The following CAMK2A variants were observed in gnomAD, a reference collection of about 807,000 sequenced individuals.
CAMK2A encodes the protein calcium/calmodulin dependent protein kinase II alpha.
A neutral mutation model predicts 79.2 loss-of-function variants in CAMK2A; 7 were observed. The observed-to-expected ratio is 0.09, with a 90% CI of 0.05 to 0.17. CAMK2A has a LOEUF of 0.17. CAMK2A is among the 10% of genes least tolerant of loss of function. The probability of loss-of-function intolerance (pLI) is 1.00; values close to 1 mark genes in which losing one functional copy is unlikely to be tolerated. For synonymous variants in CAMK2A, 242 were observed against 251.7 expected (o/e 0.96, Z 0.36); for missense variants, 214 against 646.4 (o/e 0.33, Z 7.25).
intron 16 of CAMK2A, among the ~76,000 whole-genome samples, chr5:150,229,385 C>T (rs1362538464): frequency 2.0e-5 from 3 of 152,296 alleles, no homozygotes; most frequent in Admixed American, 6.5e-5. Context: ...GGAGACTGAG[C>T]GCCCCCACTG....
chr5:150,222,882 T>A, intron 18 of CAMK2A, 107 bp downstream of exon 18: 1 of 1,399,670 alleles, frequency 7.1e-7, no homozygotes, highest in South Asian at 1.2e-5. Flanking sequence ...CACCCCACTC[T>A]GCAGCCTTTC....
chr5:150,245,138 G>T, intron 13 of CAMK2A, 23 bp downstream of exon 13: 1 of 1,612,106 alleles, frequency 6.2e-7, no homozygotes, highest in Non-Finnish European at 8.5e-7. Context: ...GCCAAGCCCT[G>T]CCAGGCTCCT....
At chr5:150,238,540 GA>G (rs1422025862) in intron 15 of CAMK2A, 159 bp downstream of exon 15, 1 of 735,800 alleles carries the variant, frequency 1.4e-6, no homozygotes, top group South Asian at 1.5e-5. Context: ...CCATGGGAAT[GA>G]TGCCTCCCAG....
chr5:150,239,326 C>T (rs1755236630), intron 14 of CAMK2A, among the ~76,000 whole-genome samples: 1 of 152,286 alleles, frequency 6.6e-6, no homozygotes, highest in South Asian at 2.1e-4. Context: ...GCACCTACTA[C>T]TTTGGCCAAA....
chr5:150,278,633 G>A (rs78527622), intron 1 of CAMK2A, among the ~76,000 whole-genome samples: 3,413 of 152,242 alleles, frequency 0.022, 82 homozygotes, highest in South Asian at 0.056. Flanking sequence ...AGGCCTGGGT[G>A]TGAGAGCTGT....
intron 2 of CAMK2A, 44 bp from the exon 3 acceptor site, chr5:150,265,059 C>A: frequency 1.4e-6 from 2 of 1,380,770 alleles, no homozygotes; most frequent in South Asian, 1.2e-5. Flanking sequence ...AGGAAGGAAC[C>A]ATTACCCTCC....
chr5:150,226,748 G>A (rs1271425674), intron 17 of CAMK2A, among the ~76,000 whole-genome samples: 11 of 140,220 alleles, frequency 7.8e-5, no homozygotes, highest in Non-Finnish European at 1.1e-4. Context: ...AAAAAAAGGG[G>A]GGGGGGGGAT....
At chr5:150,253,404 G>A (rs1755919589) in intron 7 of CAMK2A, 40 bp downstream of exon 7, 1 of 1,490,484 alleles carries the variant, frequency 6.7e-7, no homozygotes, top group Non-Finnish European at 9.4e-7. Context: ...ACACAAATGG[G>A]TGCTGACCCC....
At chr5:150,235,927 T>C (rs1292663336) in intron 15 of CAMK2A, among the ~76,000 whole-genome samples, 2 of 152,212 alleles carry the variant, frequency 1.3e-5, no homozygotes, top group Non-Finnish European at 2.9e-5. Flanking sequence ...GAGAAGCTCC[T>C]GGCTGACCGT....
intron 1 of CAMK2A, among the ~76,000 whole-genome samples, chr5:150,278,332 G>A (rs1196115809): frequency 6.6e-6 from 1 of 151,544 alleles, no homozygotes; most frequent in Non-Finnish European, 1.5e-5. Context: ...GAGAGTGAAG[G>A]CAGTGAGTCG....
At position 150,222,496 on chromosome 5, in the gene CAMK2A, G is replaced by C; in HGVS notation, c.*214C>G. On this transcript the variant is annotated 3_prime_UTR_variant, in exon 19 of 19. Transcript: ENST00000671881. ...CCCCAGCCTGGCAGGGGAGAGGGTG[G>C]GGGTGAGAGGTGGGGAGATGTGGCC... The C allele has an allele frequency of 1.4e-6, 1 of 706,534 alleles. No homozygotes were observed. The highest frequency in any genetic ancestry group is 2.6e-6 in the Non-Finnish European group (1 of 388,132). 43.8% of individuals were successfully genotyped at this position (706,534 alleles called of 1,614,324 possible). A position where few individuals can be genotyped will look rare whatever the true frequency, so the allele number is the denominator to read the frequency against.
intron 1 of CAMK2A, among the ~76,000 whole-genome samples, chr5:150,280,661 C>T (rs1405407563): frequency 6.6e-6 from 1 of 152,154 alleles, no homozygotes; most frequent in Non-Finnish European, 1.5e-5. Flanking sequence ...CTACCCCTTG[C>T]AGTCCCCGCT....
intron 2 of CAMK2A, 79 bp from the exon 3 acceptor site, chr5:150,265,094 A>G (rs1332752723): frequency 6.4e-6 from 7 of 1,099,502 alleles, no homozygotes; most frequent in Non-Finnish European, 9.7e-6. Context: ...AAAGCCTCGT[A>G]TTATCTCCAC....
At chr5:150,238,267 A>G (rs1755173281) in intron 15 of CAMK2A, 1 of 177,386 alleles carries the variant, frequency 5.6e-6, no homozygotes, top group South Asian at 1.1e-4. Flanking sequence ...CCTGGCCAAC[A>G]TGGTGAAACC....
chr5:150,237,458 A>AG (rs1755134410), intron 15 of CAMK2A, among the ~76,000 whole-genome samples: 1 of 151,672 alleles, frequency 6.6e-6, no homozygotes, highest in African/African-American at 2.4e-5. Flanking sequence ...GGGAAGGAGG[A>AG]GGTCTGGCTG....
Position 150,256,689 on chromosome 5 carries a change from G to A in CAMK2A, c.339-44C>T. 1 of 1,607,940 alleles carries A rather than the reference G, an allele frequency of 6.2e-7. No individual in the cohort carries two copies. On this transcript the variant is annotated intron_variant, in intron 5 of 18. Transcript: ENST00000671881. The surrounding 1 kb of genome is among the most constrained non-coding windows in gnomAD (Gnocchi z 4.6). ...AGGGGTCATGGTGGTGTGAGCACAGGCCTCCCCTGGGAAGCTGACAGCAGG... is the reference window on the plus strand; with the variant it reads ...AGGGGTCATGGTGGTGTGAGCACAGACCTCCCCTGGGAAGCTGACAGCAGG...
chr5:150,272,362 C>T (rs190405627), intron 2 of CAMK2A, among the ~76,000 whole-genome samples: 36 of 152,136 alleles, frequency 2.4e-4, no homozygotes, highest in Non-Finnish European at 3.8e-4. Context: ...GTCAAGAGTT[C>T]GAGACCAGCC....
chr5:150,289,401 C>A (rs1179721299), intron 1 of CAMK2A, among the ~76,000 whole-genome samples, 163 bp downstream of exon 1: 4 of 152,202 alleles, frequency 2.6e-5, no homozygotes, highest in African/African-American at 7.2e-5. Flanking sequence ...CCACGCCCGA[C>A]TCTGGACACT....
intron 1 of CAMK2A, among the ~76,000 whole-genome samples, chr5:150,286,566 G>C (rs1046231429): frequency 3.3e-5 from 5 of 152,220 alleles, no homozygotes; most frequent in African/African-American, 1.2e-4. Context: ...TGCCCTTTTA[G>C]GGCCAACCTG....
Sources: gnomAD v4.1 joint callset for allele counts (sites outside exome capture counted in the v4.1 genomes callset) on GRCh38, gnomAD v4.1.1 for gene constraint, Gnocchi (gnomAD v3.1) non-coding constraint, MANE v1.5 for transcripts, NCBI Gene and HGNC (gene_info 2026-07-23, HGNC 2026-07-21) for gene names.